REPS2: variants seen among roughly 807,000 people sequenced by gnomAD.
The protein encoded by REPS2 is ralBP1-associated Eps domain-containing protein 2.
REPS2 carries 23 observed loss-of-function variants against 53.6 expected under a neutral mutation model. The ratio of observed to expected loss-of-function variants is 0.43; its 90% CI spans 0.31 to 0.61. The LOEUF (loss-of-function observed/expected upper bound fraction) is 0.61, where lower values mean the gene tolerates loss of function less well. Among genes scored for constraint, REPS2 ranks in the 20% least tolerant of loss-of-function variants. REPS2 has a pLI of 0.11. For missense variants in REPS2, 446 were observed against 534.9 expected (o/e 0.83, Z 1.64); for synonymous variants, 238 against 218.6 (o/e 1.09, Z -0.78).
rs182506614 is a variant in REPS2 at position 17,122,117 on chromosome X, A to G, written c.1579-11707A>G. ...AGCTGCACATTTAATGTGCAACTCA[A>G]TTTTCACAAGCAGAACACATGCATA... On this transcript the variant is annotated intron_variant, in intron 14 of 17. Transcript: ENST00000357277. Among the ~76,000 whole-genome samples the G allele has an allele frequency of 3.9e-4, 43 of 110,951 alleles. No individual in the cohort carries two copies. The East Asian group carries it at 4.5e-3, about 12-fold the overall frequency.
chrX:17,193,979 C>T, the REPS2 span, among the ~76,000 whole-genome samples: 1 of 111,529 alleles, frequency 9.0e-6, no homozygotes, highest in African/African-American at 3.3e-5. Context: ...GGGGATGCAT[C>T]GACAGTCCTA....
chrX:16,952,483 A>T (rs1320471353), intron 1 of REPS2, among the ~76,000 whole-genome samples: 17 of 111,936 alleles, frequency 1.5e-4, no homozygotes, highest in African/African-American at 4.6e-4. Flanking sequence ...CTGAATGATT[A>T]AAAAAAACCC....
intron 14 of REPS2, among the ~76,000 whole-genome samples, chrX:17,119,925 A>C (rs766607123): frequency 2.3e-5 from 2 of 88,108 alleles, no homozygotes; most frequent in South Asian, 1.2e-3. Flanking sequence ...TGCCCAGGCT[A>C]GAGTGCAGTG....
At chrX:17,047,604 C>A in intron 6 of REPS2, 122 bp downstream of exon 6, 1 of 890,934 alleles carries the variant, frequency 1.1e-6, no homozygotes, top group South Asian at 2.3e-5. Flanking sequence ...CATCTAAAGT[C>A]GAATTTCTTA....
At chrX:17,113,498 A>G (rs2148086847) in intron 14 of REPS2, among the ~76,000 whole-genome samples, 1 of 111,145 alleles carries the variant, frequency 9.0e-6, no homozygotes, top group Non-Finnish European at 1.9e-5. Context: ...CCCTAGTTGT[A>G]GAATCGGTTC....
the REPS2 span, among the ~76,000 whole-genome samples, chrX:17,170,803 C>G: frequency 8.9e-6 from 1 of 112,701 alleles, no homozygotes; most frequent in Non-Finnish European, 1.9e-5. Flanking sequence ...GAGCCACATG[C>G]TTCTGAGAGA....
Position 16,984,740 on chromosome X carries a change from AT to A in REPS2, c.274-21471del, listed in dbSNP as rs113305991. On this transcript the variant is annotated intron_variant, in intron 1 of 17. Transcript: ENST00000357277. The stretch of plus-strand genomic sequence containing the variant: ...CGTGGTACAGATACTTCATTGGGGA[AT>A]TTTTTTTTTAAATAGGTTTGACTAG... 5.3e-3 allele frequency among the ~76,000 whole-genome samples: 576 copies of A among 108,865 alleles called. 5 individuals are homozygous for A. Among genetic ancestry groups the A allele is most frequent in the African/African-American group, 0.018 (553 of 29,989 alleles). The allele number at this position is 108,865 out of a possible 115,157, so 94.5% of individuals were successfully genotyped here.
intron 11 of REPS2, among the ~76,000 whole-genome samples, chrX:17,071,577 A>G (rs2062306329): frequency 9.0e-6 from 1 of 111,148 alleles, no homozygotes; most frequent in African/African-American, 3.3e-5. Flanking sequence ...TCTTCCCACT[A>G]CTGCCCCTCT....
At chrX:17,046,221 C>G (rs1018725990) in intron 5 of REPS2, among the ~76,000 whole-genome samples, 46 of 108,060 alleles carry the variant, frequency 4.3e-4, no homozygotes, top group African/African-American at 1.5e-3. Context: ...GTGGTGCGAC[C>G]TCTGCTCCCA....
At chrX:17,111,724 G>C (rs1440088562) in intron 14 of REPS2, among the ~76,000 whole-genome samples, 1 of 111,965 alleles carries the variant, frequency 8.9e-6, no homozygotes, top group East Asian at 2.8e-4. Flanking sequence ...CTCTGGCTTT[G>C]TGGGAATTAA....
chrX:17,085,457 A>G (rs1276697307), intron 13 of REPS2, among the ~76,000 whole-genome samples: 6 of 111,927 alleles, frequency 5.4e-5, no homozygotes, highest in African/African-American at 1.6e-4. Context: ...GAATTTGTAT[A>G]TCAGTTTGGT....
the REPS2 span, among the ~76,000 whole-genome samples, chrX:17,175,669 G>A: frequency 7.1e-5 from 8 of 112,396 alleles, no homozygotes; most frequent in Non-Finnish European, 1.5e-4. Flanking sequence ...GGCAATGTTA[G>A]CTGCTATAAC....
In REPS2 at chrX:17,147,583, A is replaced by G. The variant is rs2063529852; in HGVS notation, c.*102A>G. The G allele has an allele frequency of 1.6e-6, 1 of 634,352 alleles. No individual in the cohort carries two copies. The highest frequency in any genetic ancestry group is 3.7e-5 in the South Asian group (1 of 27,394). The allele number at this position is 634,352 out of a possible 1,213,427, so 52.3% of individuals were successfully genotyped here. ...TTGTCATAGATGTTTGACTGTGTCA[A>G]AAGCTGTGAGCAGCAAAATATAATC... On this transcript the variant is annotated 3_prime_UTR_variant, in exon 18 of 18. Coordinates refer to ENST00000357277, the MANE Select transcript of REPS2 (RefSeq NM_004726.3).
intron 12 of REPS2, among the ~76,000 whole-genome samples, chrX:17,076,202 CTG>C (rs1271041151): frequency 2.7e-5 from 3 of 112,023 alleles, no homozygotes; most frequent in Non-Finnish European, 5.6e-5. Context: ...TTAATAGTAA[CTG>C]ATATATTCTA....
chrX:17,057,991 T>C (rs2062097508), intron 8 of REPS2, among the ~76,000 whole-genome samples: 2 of 112,366 alleles, frequency 1.8e-5, no homozygotes, highest in Non-Finnish European at 3.8e-5. Context: ...GAGTCCTGGG[T>C]AACCTCATCT....
Position 17,148,187 on chromosome X carries a change from G to A in REPS2, c.*706G>A, listed in dbSNP as rs943118176. 1.8e-5 allele frequency: 2 copies of A among 112,599 alleles called. No individual in the cohort carries two copies. Among genetic ancestry groups the A allele is most frequent in the African/African-American group, 6.5e-5 (2 of 30,871 alleles). 9.3% of individuals were successfully genotyped at this position (112,599 alleles called of 1,213,427 possible). ...TGAGCTGTTTAACTTGGCCAAGCTA[G>A]GCTGTCAACCCAGACAACTCAGTCC... On this transcript the variant is annotated 3_prime_UTR_variant, in exon 18 of 18. Coordinates refer to ENST00000357277, the MANE Select transcript of REPS2 (RefSeq NM_004726.3).
At chrX:17,022,320 C>T in intron 3 of REPS2, 49 bp downstream of exon 3, 2 of 1,107,184 alleles carry the variant, frequency 1.8e-6, no homozygotes, top group Non-Finnish European at 2.5e-6. Context: ...CATGAAACCG[C>T]ATGTAGCAGG....
intron 14 of REPS2, among the ~76,000 whole-genome samples, chrX:17,125,171 G>A (rs921922613): frequency 1.8e-5 from 2 of 110,795 alleles, no homozygotes; most frequent in African/African-American, 6.6e-5. Context: ...TTTTAAGTGG[G>A]ATTTGACTTT....
chrX:16,998,233 C>T (rs1276291560), intron 1 of REPS2, among the ~76,000 whole-genome samples: 2 of 111,102 alleles, frequency 1.8e-5, no homozygotes, highest in Non-Finnish European at 3.8e-5. Flanking sequence ...TCGAGGACAG[C>T]GTGACCCTGT....
Sources: allele counts gnomAD v4.1 joint callset (sites outside exome capture counted in the v4.1 genomes callset), GRCh38; gene constraint gnomAD v4.1.1; transcripts MANE v1.5; gene names NCBI Gene and HGNC (gene_info 2026-07-23, HGNC 2026-07-21).